The following SNTG1 variants were observed in gnomAD, a reference collection of about 807,000 sequenced individuals.
The protein encoded by SNTG1 is gamma-1-syntrophin.
Under a neutral mutation model 74.7 loss-of-function variants are expected in SNTG1, and 39 were observed. The ratio of observed to expected loss-of-function variants is 0.52; its 90% CI spans 0.40 to 0.68. The LOEUF is 0.68. SNTG1 is among the 30% of genes least tolerant of loss of function. The pLI, the probability that SNTG1 is intolerant of heterozygous loss-of-function variation, is 0.00. For synonymous variants in SNTG1, 254 were observed against 217.1 expected, an observed-to-expected ratio of 1.17 and a Z score of -1.49; for missense variants, 685 against 609.5, an observed-to-expected ratio of 1.12 and a Z score of -1.30.
rs2094409844 is a variant in SNTG1 at position 50,549,348 on chromosome 8, T to TA, written c.681-3701dup. On this transcript the variant is annotated intron_variant, in intron 11 of 18. Transcript: ENST00000642720. ...GTCACAAACCCAAGGGGCCTCTTCT[T>TA]ATTTCTTTCTTTCCTTCAATAACAT... 5.9e-5 allele frequency among the ~76,000 whole-genome samples: 9 copies of TA among 152,112 alleles called. No homozygotes were observed. The South Asian group carries it at 1.9e-3, about 31-fold the overall frequency.
At chr8:50,288,533 C>T (rs185011467) in intron 2 of SNTG1, among the ~76,000 whole-genome samples, 2 of 152,178 alleles carry the variant, frequency 1.3e-5, no homozygotes, top group African/African-American at 4.8e-5. Context: ...AATTTACTGA[C>T]AAACCCAGCA....
At chr8:50,644,191 T>A (rs2095092294) in intron 13 of SNTG1, 1 of 152,178 alleles carries the variant, frequency 6.6e-6, no homozygotes, top group South Asian at 2.1e-4. Flanking sequence ...TCTGGATTTG[T>A]TAGGTGCTGT....
At chr8:50,670,126 T>G (rs1206207830) in intron 15 of SNTG1, among the ~76,000 whole-genome samples, 2 of 152,168 alleles carry the variant, frequency 1.3e-5, no homozygotes, top group Admixed American at 1.3e-4. Context: ...CTTTGAAAAC[T>G]GGCACAAGAC....
chr8:50,733,633 G>C (rs115619462), intron 17 of SNTG1, among the ~76,000 whole-genome samples: 1 of 151,898 alleles, frequency 6.6e-6, no homozygotes, highest in Non-Finnish European at 1.5e-5. Context: ...TGACAAGTGT[G>C]AAATGGTATC....
intron 15 of SNTG1, among the ~76,000 whole-genome samples, chr8:50,686,087 T>C (rs2095351408): frequency 6.6e-5 from 10 of 152,166 alleles, no homozygotes; most frequent in Admixed American, 5.2e-4. Flanking sequence ...CATTATGAGA[T>C]ATTAGAAATA....
At chr8:50,734,262 C>T (rs10958066) in intron 17 of SNTG1, among the ~76,000 whole-genome samples, 56,222 of 151,428 alleles carry the variant, frequency 0.37, 12,038 homozygotes, top group African/African-American at 0.59. Flanking sequence ...GAGACTATTG[C>T]TTCTCGGCCT....
intron 13 of SNTG1, among the ~76,000 whole-genome samples, chr8:50,622,032 C>T (rs1206668213): frequency 8.5e-5 from 13 of 152,136 alleles, no homozygotes. Flanking sequence ...TCTATGCCAG[C>T]AGTGCTCTTC....
At chr8:50,205,673 T>A (rs183476078) in intron 2 of SNTG1, among the ~76,000 whole-genome samples, 2,563 of 152,230 alleles carry the variant, frequency 0.017, 61 homozygotes, top group African/African-American at 0.052. Context: ...ATTCCCTAGG[T>A]TTTCTTCTAG....
At chr8:50,278,345 A>G (rs1017746095) in intron 2 of SNTG1, among the ~76,000 whole-genome samples, 1 of 152,188 alleles carries the variant, frequency 6.6e-6, no homozygotes, top group Non-Finnish European at 1.5e-5. Context: ...TTGTAACTGC[A>G]GAGATTGTTT....
At chr8:50,100,304 T>C (rs542093578) in intron 1 of SNTG1, among the ~76,000 whole-genome samples, 1 of 152,152 alleles carries the variant, frequency 6.6e-6, no homozygotes, top group East Asian at 1.9e-4. Context: ...GACAGTTTTA[T>C]TAAAGGATGC....
intron 8 of SNTG1, among the ~76,000 whole-genome samples, chr8:50,484,141 TTTCTTTCTTTCCTTCCTTCCTTCC>T (rs2093766632): frequency 4.3e-5 from 4 of 92,786 alleles, no homozygotes; most frequent in African/African-American, 1.5e-4. Flanking sequence ...TCTTTCCTTC[TTTCTTTCTTTCCTTCCTTCCTTCC>T]TTCCTTCCTT....
intron 15 of SNTG1, among the ~76,000 whole-genome samples, chr8:50,692,058 G>T (rs1379387331): frequency 2.6e-5 from 4 of 151,984 alleles, no homozygotes; most frequent in Non-Finnish European, 5.9e-5. Flanking sequence ...TGAGGCTTCT[G>T]CATTTGTCAC....
intron 1 of SNTG1, among the ~76,000 whole-genome samples, chr8:49,932,760 G>A (rs1748249482): frequency 6.6e-6 from 1 of 152,018 alleles, no homozygotes; most frequent in African/African-American, 2.4e-5. Context: ...TGAAACATTA[G>A]CTGTCACTCC....
chr8:50,465,316 G>A (rs555086387), intron 8 of SNTG1, among the ~76,000 whole-genome samples: 14 of 152,316 alleles, frequency 9.2e-5, no homozygotes, highest in East Asian at 3.9e-4. Flanking sequence ...ATCAGGTAGA[G>A]TAGAAGAATT....
intron 4 of SNTG1, among the ~76,000 whole-genome samples, chr8:50,425,274 C>G (rs1339968100): frequency 3.4e-5 from 1 of 29,468 alleles, no homozygotes; most frequent in Non-Finnish European, 8.7e-5. Context: ...GCTGGTCACA[C>G]AGCAGGAGGT....
chr8:50,041,130 A>G (rs1818606547), intron 1 of SNTG1, among the ~76,000 whole-genome samples: 1 of 152,196 alleles, frequency 6.6e-6, no homozygotes, highest in South Asian at 2.1e-4. Context: ...TCCCGACCTC[A>G]GATGATCCAT....
intron 1 of SNTG1, among the ~76,000 whole-genome samples, chr8:49,948,866 GC>G (rs1174918243): frequency 6.6e-5 from 10 of 152,176 alleles, no homozygotes; most frequent in Admixed American, 3.3e-4. Context: ...ATTCCTAAGA[GC>G]CCCCGGGCTC....
intron 4 of SNTG1, among the ~76,000 whole-genome samples, chr8:50,411,813 G>A (rs571419693): frequency 2.4e-4 from 36 of 152,256 alleles, no homozygotes; most frequent in Middle Eastern, 3.4e-3. Flanking sequence ...TATGGCTCCA[G>A]TGAAAACATT....
intron 1 of SNTG1, among the ~76,000 whole-genome samples, chr8:50,138,684 C>A (rs2081560980): frequency 6.7e-6 from 1 of 150,308 alleles, no homozygotes; most frequent in South Asian, 2.1e-4. Flanking sequence ...TTGAAAGACT[C>A]ATGCACCTTC....
Sources: gnomAD v4.1 joint callset for allele counts (sites outside exome capture counted in the v4.1 genomes callset) on GRCh38, gnomAD v4.1.1 for gene constraint, MANE v1.5 for transcripts, NCBI Gene and HGNC (gene_info 2026-07-23, HGNC 2026-07-21) for gene names.